GULP1: variants seen among roughly 807,000 people sequenced by gnomAD.
The protein encoded by GULP1 is GULP PTB domain containing engulfment adaptor 1, also known as PTB domain-containing engulfment adapter protein 1.
In GULP1, 19 loss-of-function variants were observed where a neutral mutation model predicts 40.9. The ratio of observed to expected loss-of-function variants is 0.46; its 90% CI spans 0.32 to 0.68. GULP1 has a LOEUF of 0.68. Ranked by LOEUF, GULP1 falls within the 30% of genes least tolerant of loss-of-function variation. GULP1 has a pLI of 0.03. For synonymous variants in GULP1, 119 were observed against 117.6 expected (o/e 1.01, Z -0.08); for missense variants, 312 against 362.2 (o/e 0.86, Z 1.12).
rs2033958651 is a variant in GULP1, at chr2:188,292,399, G to C, written c.-172+233G>C. On this transcript the variant is annotated intron_variant, in intron 1 of 11. Transcript: ENST00000409830. This position sits in a 1 kb window ranked among gnomAD's most constrained non-coding sequence, Gnocchi z 4.0. ...CCAGCACTAAAGGAGGCTAAGACCT[G>C]TTGACGCCTGCTATGGCAGCGCTTG... is the stretch of plus-strand genomic sequence containing the variant. 6.6e-6 allele frequency among the ~76,000 whole-genome samples: 1 copy of C among 152,260 alleles called. No individual in the cohort carries two copies. Among genetic ancestry groups the C allele is most frequent in the Admixed American group, 6.5e-5 (1 of 15,294 alleles).
chr2:188,593,913 TATTA>T (rs772417308), intron 11 of GULP1, 23 bp from the exon 12 acceptor site: 40 of 1,241,984 alleles, frequency 3.2e-5, no homozygotes, highest in Non-Finnish European at 4.6e-5. Flanking sequence ...GCATTTCAGA[TATTA>T]ATTATTTTAT....
At chr2:188,475,510 A>G (rs912226136) in intron 2 of GULP1, among the ~76,000 whole-genome samples, 2 of 152,024 alleles carry the variant, frequency 1.3e-5, no homozygotes, top group Non-Finnish European at 2.9e-5. Context: ...ATCATATAGT[A>G]TTAAACTCCT....
chr2:188,349,172 GT>G (rs2044109775), intron 1 of GULP1, among the ~76,000 whole-genome samples: 1 of 152,126 alleles, frequency 6.6e-6, no homozygotes, highest in Non-Finnish European at 1.5e-5. Flanking sequence ...CATTTGGGTT[GT>G]TTCCACAGTT....
chr2:188,507,357 C>T (rs560643317), intron 4 of GULP1, among the ~76,000 whole-genome samples: 17 of 149,554 alleles, frequency 1.1e-4, no homozygotes, highest in South Asian at 2.1e-4. Context: ...ATTCACTAAA[C>T]GAGTGTGTTT....
intron 2 of GULP1, among the ~76,000 whole-genome samples, chr2:188,445,383 G>A (rs555926766): frequency 6.6e-6 from 1 of 152,280 alleles, no homozygotes; most frequent in Non-Finnish European, 1.5e-5. Context: ...AATGGCAGGA[G>A]ACCCAAATGG....
At chr2:188,427,564 G>A (rs913194980) in intron 2 of GULP1, among the ~76,000 whole-genome samples, 14 of 152,208 alleles carry the variant, frequency 9.2e-5, no homozygotes, top group Non-Finnish European at 1.6e-4. Flanking sequence ...ATGGCTCCAA[G>A]GGGCCCAAGT....
intron 4 of GULP1, among the ~76,000 whole-genome samples, chr2:188,521,623 T>C (rs1368911278): frequency 1.3e-5 from 2 of 152,158 alleles, no homozygotes; most frequent in African/African-American, 4.8e-5. Flanking sequence ...CTTACTATCA[T>C]GAGACCGGCA....
At chr2:188,463,770 T>C (rs189522627) in intron 2 of GULP1, among the ~76,000 whole-genome samples, 1 of 152,306 alleles carries the variant, frequency 6.6e-6, no homozygotes, top group African/African-American at 2.4e-5. Context: ...TCCTCTGCTT[T>C]ATCAATTCTT....
intron 2 of GULP1, among the ~76,000 whole-genome samples, chr2:188,424,398 A>G (rs2055867155): frequency 6.6e-6 from 1 of 151,918 alleles, no homozygotes; most frequent in Non-Finnish European, 1.5e-5. Context: ...GTCCACCTTC[A>G]TTGATTTCAA....
At chr2:188,534,952 T>A (rs147111541) in intron 6 of GULP1, among the ~76,000 whole-genome samples, 1,520 of 151,906 alleles carry the variant, frequency 0.01, 18 homozygotes, top group Admixed American at 0.035. Context: ...ATAATGCCAG[T>A]GCTTTTCTTT....
At chr2:188,516,727 A>T (rs2065211700) in intron 4 of GULP1, among the ~76,000 whole-genome samples, 2 of 152,146 alleles carry the variant, frequency 1.3e-5, no homozygotes, top group Non-Finnish European at 2.9e-5. Context: ...TATTTATGAC[A>T]ATTTCCTAGT....
At chr2:188,298,671 A>G (rs1021393526) in intron 1 of GULP1, among the ~76,000 whole-genome samples, 4 of 152,212 alleles carry the variant, frequency 2.6e-5, no homozygotes, top group Non-Finnish European at 4.4e-5. Context: ...GTCTTTAGTC[A>G]TTTTAAAGGA....
At chr2:188,572,123 G>C (rs1699179446) in intron 9 of GULP1, among the ~76,000 whole-genome samples, 1 of 152,184 alleles carries the variant, frequency 6.6e-6, no homozygotes, top group Admixed American at 6.5e-5. Flanking sequence ...GTCAGCTTCA[G>C]AAATGACAAA....
At chr2:188,361,239 T>A (rs1337997808) in intron 1 of GULP1, among the ~76,000 whole-genome samples, 1 of 152,106 alleles carries the variant, frequency 6.6e-6, no homozygotes. Flanking sequence ...CAAGAAACGC[T>A]GATGCCTGCT....
chr2:188,405,504 A>G (rs2052950137), intron 2 of GULP1, among the ~76,000 whole-genome samples: 1 of 151,946 alleles, frequency 6.6e-6, no homozygotes, highest in Non-Finnish European at 1.5e-5. Context: ...GGCCTGTCCT[A>G]GTGCCTGGCT....
At chr2:188,471,762 G>T (rs1000726648) in intron 2 of GULP1, among the ~76,000 whole-genome samples, 2 of 152,008 alleles carry the variant, frequency 1.3e-5, no homozygotes, top group African/African-American at 2.4e-5. Context: ...TATTATTTTT[G>T]ATTGTTTCAT....
At chr2:188,458,896 G>C (rs1328689284) in intron 2 of GULP1, among the ~76,000 whole-genome samples, 1 of 151,908 alleles carries the variant, frequency 6.6e-6, no homozygotes, top group African/African-American at 2.4e-5. Flanking sequence ...ACCTCCATAG[G>C]TTAAATTGTT....
intron 7 of GULP1, among the ~76,000 whole-genome samples, chr2:188,563,263 C>T (rs1696776112): frequency 6.6e-6 from 1 of 151,806 alleles, no homozygotes; most frequent in South Asian, 2.1e-4. Flanking sequence ...TCTCTAAAAA[C>T]TTCATCAAGG....
intron 1 of GULP1, among the ~76,000 whole-genome samples, chr2:188,341,154 G>T (rs931413413): frequency 1.3e-5 from 2 of 152,130 alleles, no homozygotes; most frequent in African/African-American, 2.4e-5. Context: ...TTTCTGCCTA[G>T]AATTTCTTTG....
Sources: allele counts gnomAD v4.1 joint callset (sites outside exome capture counted in the v4.1 genomes callset), GRCh38; gene constraint gnomAD v4.1.1; non-coding constraint Gnocchi (gnomAD v3.1); transcripts MANE v1.5; gene names NCBI Gene and HGNC (gene_info 2026-07-23, HGNC 2026-07-21).